TXNDC16: variants seen among roughly 807,000 people sequenced by gnomAD.
TXNDC16 encodes the protein thioredoxin domain containing 16.
TXNDC16 carries 74 observed loss-of-function variants against 85.6 expected under a neutral mutation model. The ratio of observed to expected loss-of-function variants is 0.86; its 90% confidence interval spans 0.72 to 1.05. The LOEUF is 1.05. Among genes scored for constraint, TXNDC16 ranks in the 50% least tolerant of loss-of-function variants. The pLI is 0.00. For missense variants in TXNDC16, 959 were observed against 947.0 expected, an observed-to-expected ratio of 1.01 and a Z score of -0.17; for synonymous variants, 335 against 326.5, an observed-to-expected ratio of 1.03 and a Z score of -0.28.
chr14:52,472,900 G>T (rs1473096787), intron 14 of TXNDC16, among the ~76,000 whole-genome samples: 1 of 152,154 alleles, frequency 6.6e-6, no homozygotes. Flanking sequence ...AGGAACTAAG[G>T]ACTAGACGTT....
intron 9 of TXNDC16, among the ~76,000 whole-genome samples, chr14:52,507,922 G>T (rs939190631): frequency 6.6e-6 from 1 of 152,112 alleles, no homozygotes; most frequent in Non-Finnish European, 1.5e-5. Context: ...ATTCAAGATG[G>T]ATTAAAGACT....
chr14:52,512,460 GC>G (rs2036978797), intron 8 of TXNDC16, among the ~76,000 whole-genome samples: 1 of 152,132 alleles, frequency 6.6e-6, no homozygotes, highest in Admixed American at 6.6e-5. Flanking sequence ...GGACAAATGA[GC>G]ATTTCAAACA....
intron 4 of TXNDC16, among the ~76,000 whole-genome samples, chr14:52,538,291 C>G (rs2140224382): frequency 6.6e-6 from 1 of 152,212 alleles, no homozygotes; most frequent in South Asian, 2.1e-4. Context: ...GACCATAAGG[C>G]ATCTTTAAAG....
At chr14:52,437,532 C>T (rs1256790465) in intron 20 of TXNDC16, among the ~76,000 whole-genome samples, 2 of 151,910 alleles carry the variant, frequency 1.3e-5, no homozygotes, top group Non-Finnish European at 2.9e-5. Context: ...GCACAAGCAA[C>T]CAAAGCAAAA....
chr14:52,471,644 A>G (rs2035910361), intron 14 of TXNDC16, among the ~76,000 whole-genome samples: 1 of 152,106 alleles, frequency 6.6e-6, no homozygotes, highest in South Asian at 2.1e-4. Flanking sequence ...AGCAGGGACT[A>G]TGTCTGTTTA....
chr14:52,471,730 G>C lies in TXNDC16; in HGVS notation c.1313-1050C>G, dbSNP rs186058204. On this transcript the variant is annotated intron_variant, in intron 14 of 20. Transcript: ENST00000281741. ...AAATGACACATGTGAAACTCATCCA[G>C]GACTTCAGATACCTATCCTGTCTAA... 2.0e-5 allele frequency among the ~76,000 whole-genome samples: 3 copies of C among 151,778 alleles called. No homozygotes were observed. The East Asian group carries it at 5.8e-4, about 29-fold the overall frequency.
Position 52,470,627 on chromosome 14 carries a change from A to C in TXNDC16, c.1366T>G (p.Cys456Gly), listed in dbSNP as rs772377428. The change falls in exon 15 of 21, where the codon TGT becomes GGT. Residue 456 changes from cysteine (C) to glycine (G), a missense_variant. Physicochemically the swap from Cys to Gly is radical, Grantham distance 159 (BLOSUM62 -3). Coordinates refer to ENST00000281741, the MANE Select transcript of TXNDC16 (RefSeq NM_020784.3). ...AATTCAGTAACATTTTGCTTAGTAC[A>C]TACATCAGACCAATCTGCACAGTTT... is the stretch of plus-strand genomic sequence containing the variant. Reference protein sequence around the residue: ...RINCADWSDVCTKQNVTEFPI... With the variant: ...RINCADWSDVGTKQNVTEFPI... 53 of 1,613,872 alleles carry C rather than the reference A, an allele frequency of 3.3e-5. No homozygotes were observed. The highest frequency in any genetic ancestry group is 1.1e-5 in the South Asian group (1 of 91,048).
At chr14:52,533,324 T>C (rs2037625941) in intron 6 of TXNDC16, among the ~76,000 whole-genome samples, 1 of 152,180 alleles carries the variant, frequency 6.6e-6, no homozygotes, top group Admixed American at 6.5e-5. Context: ...GTTTTACTGT[T>C]ACCAAATTAA....
intron 16 of TXNDC16, among the ~76,000 whole-genome samples, chr14:52,460,133 G>A (rs976257299): frequency 1.3e-5 from 2 of 152,170 alleles, no homozygotes; most frequent in Non-Finnish European, 2.9e-5. Context: ...TCAGCACTTT[G>A]GGAGGCCGAG....
intron 3 of TXNDC16, among the ~76,000 whole-genome samples, chr14:52,542,926 TATTA>T (rs1458738175): frequency 2.6e-5 from 4 of 152,178 alleles, no homozygotes; most frequent in Admixed American, 1.3e-4. Context: ...TTAAAAAAAT[TATTA>T]GTTATGCTCA....
intron 9 of TXNDC16, among the ~76,000 whole-genome samples, chr14:52,507,513 C>A (rs1176442406): frequency 2.0e-5 from 3 of 152,136 alleles, no homozygotes; most frequent in African/African-American, 7.2e-5. Flanking sequence ...AGATTCAATG[C>A]CAACCCCATC....
intron 4 of TXNDC16, among the ~76,000 whole-genome samples, chr14:52,540,151 T>C (rs1429562821): frequency 6.6e-6 from 1 of 152,224 alleles, no homozygotes; most frequent in African/African-American, 2.4e-5. Context: ...TGGGTTATTG[T>C]ATCCAGCTTG....
chr14:52,525,699 A>AAATAAT (rs199701557), intron 6 of TXNDC16, among the ~76,000 whole-genome samples: 3,302 of 121,242 alleles, frequency 0.027, 48 homozygotes, highest in African/African-American at 0.036. Flanking sequence ...CTCCATCTCA[A>AAATAAT]AATAATAATA....
At chr14:52,442,092 C>T (rs1196167624) in intron 18 of TXNDC16, among the ~76,000 whole-genome samples, 8 of 152,068 alleles carry the variant, frequency 5.3e-5, no homozygotes, top group Non-Finnish European at 1.2e-4. Context: ...AAGAGAATAA[C>T]CATTTTAAAA....
intron 12 of TXNDC16, among the ~76,000 whole-genome samples, chr14:52,487,061 T>C (rs761188527): frequency 1.3e-5 from 2 of 152,096 alleles, no homozygotes; most frequent in Non-Finnish European, 2.9e-5. Flanking sequence ...CAAAGAAATC[T>C]TCAAACAGGC....
At chr14:52,541,709 A>C (rs2037835184) in intron 4 of TXNDC16, among the ~76,000 whole-genome samples, 1 of 152,200 alleles carries the variant, frequency 6.6e-6, no homozygotes, top group South Asian at 2.1e-4. Context: ...AACCAGAAAG[A>C]ATTTAGTATC....
At chr14:52,548,981 G>A (rs776181051) in intron 1 of TXNDC16, among the ~76,000 whole-genome samples, 4 of 152,198 alleles carry the variant, frequency 2.6e-5, no homozygotes, top group Non-Finnish European at 5.9e-5. Flanking sequence ...CCTGGTCTTA[G>A]TAACGGGTAA....
At chr14:52,488,782 C>G (rs1039246482) in intron 11 of TXNDC16, among the ~76,000 whole-genome samples, 2 of 137,018 alleles carry the variant, frequency 1.5e-5, no homozygotes, top group African/African-American at 5.7e-5. Flanking sequence ...TGCAGTGAGG[C>G]AAGATTGCAC....
intron 12 of TXNDC16, among the ~76,000 whole-genome samples, chr14:52,483,806 G>A (rs923379884): frequency 1.3e-5 from 2 of 152,122 alleles, no homozygotes; most frequent in Non-Finnish European, 1.5e-5. Context: ...AATACATTTG[G>A]ATTCATAAAT....
Sources: gnomAD v4.1 joint callset for allele counts (sites outside exome capture counted in the v4.1 genomes callset) on GRCh38, gnomAD v4.1.1 for gene constraint, MANE v1.5 for transcripts, NCBI Gene and HGNC (gene_info 2026-07-23, HGNC 2026-07-21) for gene names.